Variants in BAHCC1 observed in about 807,000 individuals in gnomAD.
BAHCC1 encodes BAH and coiled-coil domain-containing protein 1.
Under a neutral mutation model 88.2 loss-of-function variants are expected in BAHCC1, and 43 were observed. The observed-to-expected ratio is 0.49, with a 90% CI of 0.38 to 0.63. The LOEUF (loss-of-function observed/expected upper bound fraction) is 0.63, where lower values mean the gene tolerates loss of function less well. Ranked by LOEUF, BAHCC1 falls within the 20% of genes least tolerant of loss-of-function variation. BAHCC1 has a pLI of 0.00. For synonymous variants in BAHCC1, 1,510 were observed against 745.5 expected, an observed-to-expected ratio of 2.03 and a Z score of -16.71; for missense variants, 3,023 against 1,654.8, an observed-to-expected ratio of 1.83 and a Z score of -14.34.
chr17:81,405,602 T>C (rs1390647552), intron 2 of BAHCC1, among the ~76,000 whole-genome samples: 4 of 152,158 alleles, frequency 2.6e-5, no homozygotes, highest in African/African-American at 9.7e-5. Context: ...AGACTGTCCA[T>C]GTCCCTGGGC....
intron 3 of BAHCC1, among the ~76,000 whole-genome samples, chr17:81,432,510 C>T (rs1389968191): frequency 3.3e-5 from 5 of 150,970 alleles, no homozygotes; most frequent in South Asian, 2.1e-4. Flanking sequence ...GGCTTGAGGG[C>T]GGCCCCAGCC....
intron 3 of BAHCC1, among the ~76,000 whole-genome samples, chr17:81,431,545 T>C (rs1048178645): frequency 7.0e-4 from 107 of 152,000 alleles, no homozygotes; most frequent in East Asian, 2.3e-3. Flanking sequence ...CCCAGGGAGG[T>C]TGGGGAGAGG....
intron 16 of BAHCC1, 99 bp downstream of exon 16, chr17:81,456,684 G>A (rs1170036265): frequency 4.8e-6 from 3 of 625,112 alleles, no homozygotes; most frequent in African/African-American, 1.9e-5. Flanking sequence ...CACCAGGGCT[G>A]GGTCATGGCT....
intron 11 of BAHCC1, among the ~76,000 whole-genome samples, chr17:81,448,516 C>T (rs782457792): frequency 2.6e-5 from 4 of 152,234 alleles, no homozygotes; most frequent in East Asian, 1.9e-4. Context: ...CGCTTCCTGC[C>T]GTCTTCCCTG....
intron 2 of BAHCC1, among the ~76,000 whole-genome samples, chr17:81,403,398 G>A (rs2063840189): frequency 6.6e-6 from 1 of 152,026 alleles, no homozygotes; most frequent in Non-Finnish European, 1.5e-5. Flanking sequence ...GGGTTATTGT[G>A]GGAGAAAGGC....
At chr17:81,420,626 C>A (rs2064105296) in intron 2 of BAHCC1, among the ~76,000 whole-genome samples, 1 of 152,272 alleles carries the variant, frequency 6.6e-6, no homozygotes, top group Admixed American at 6.5e-5. Context: ...CAAGCCAGGC[C>A]TCTACAGCAT....
At chr17:81,448,715 G>A (rs1555655159) in intron 11 of BAHCC1, among the ~76,000 whole-genome samples, 1 of 152,214 alleles carries the variant, frequency 6.6e-6, no homozygotes, top group East Asian at 1.9e-4. Flanking sequence ...GTCACCCTGT[G>A]CTGGATGAGG....
intron 2 of BAHCC1, among the ~76,000 whole-genome samples, chr17:81,420,754 A>C (rs2064107189): frequency 6.6e-6 from 1 of 152,218 alleles, no homozygotes; most frequent in African/African-American, 2.4e-5. Flanking sequence ...GCCAGTGTGC[A>C]GTCCTCGGTG....
At chr17:81,418,796 C>CGCGCATGTGTGTGT in intron 2 of BAHCC1, among the ~76,000 whole-genome samples, 1 of 144,918 alleles carries the variant, frequency 6.9e-6, no homozygotes, top group South Asian at 2.2e-4. Context: ...TACGTGTGTG[C>CGCGCATGTGTGTGT]GTGTGTGTGT....
At chr17:81,417,556 C>CCA (rs1555648924) in intron 2 of BAHCC1, among the ~76,000 whole-genome samples, 10 of 30,428 alleles carry the variant, frequency 3.3e-4, no homozygotes, top group African/African-American at 1.2e-3. Flanking sequence ...GCGTCGGCCA[C>CCA]CCCCCCCCCG....
intron 1 of BAHCC1, 191 bp downstream of exon 1, chr17:81,395,826 A>T (rs1317901598): frequency 2.0e-5 from 3 of 152,046 alleles, no homozygotes; most frequent in Admixed American, 2.0e-4. Context: ...TTCTTAAAAA[A>T]TATGGACTAT....
In BAHCC1 at chr17:81,445,429, G is replaced by A. The variant is rs782319728; in HGVS notation, c.2911G>A (p.Val971Ile). 9 of 775,020 alleles carry A rather than the reference G, an allele frequency of 1.2e-5. No homozygotes were observed. The highest frequency in any genetic ancestry group is 2.2e-5 in the Non-Finnish European group (9 of 416,470). 48.0% of individuals were successfully genotyped at this position (775,020 alleles called of 1,614,324 possible). ...GGCCCCAAAGTCCACCCACAAGCCA[G>A]TTGCCTTAACCCCCACGGCCCCGGG... ...EKAPKSTHKP[V>I]ALTPTAPGAP... The change falls in exon 10 of 28, where the codon GTT (valine) becomes ATT (isoleucine). Residue 971 changes from valine (V) to isoleucine (I), a missense_variant. Val to Ile is a conservative substitution (Grantham distance 29). Transcript: ENST00000675386.
intron 2 of BAHCC1, chr17:81,406,792 C>T: frequency 2.3e-6 from 1 of 432,320 alleles, no homozygotes; most frequent in Non-Finnish European, 4.7e-6. Flanking sequence ...AGGCGGCGCC[C>T]AGGTCCTGGT....
intron 3 of BAHCC1, among the ~76,000 whole-genome samples, chr17:81,436,431 C>T (rs1285569526): frequency 6.6e-6 from 1 of 152,232 alleles, no homozygotes; most frequent in African/African-American, 2.4e-5. Flanking sequence ...ACCGGGGCTC[C>T]GTGCCTGGGA....
At chr17:81,438,587 G>C (rs782609387) in intron 4 of BAHCC1, 95 bp downstream of exon 4, 3 of 695,516 alleles carry the variant, frequency 4.3e-6, no homozygotes, top group African/African-American at 1.8e-5. Context: ...GGCCAGCCTA[G>C]GTTAGCCCTC....
chr17:81,439,934 C>T (rs911779033), intron 4 of BAHCC1, among the ~76,000 whole-genome samples: 2 of 151,834 alleles, frequency 1.3e-5, no homozygotes, highest in East Asian at 3.9e-4. Context: ...CACTCCAGGA[C>T]CTCTGTGTGG....
chr17:81,400,026 C>A, intron 2 of BAHCC1, 109 bp downstream of exon 2: 1 of 1,016,236 alleles, frequency 9.8e-7, no homozygotes, highest in Non-Finnish European at 1.2e-6. Flanking sequence ...TTTCCCGGCC[C>A]CGGCCGCGGT....
At chr17:81,423,073 C>T (rs1555649788) in intron 2 of BAHCC1, among the ~76,000 whole-genome samples, 1 of 152,082 alleles carries the variant, frequency 6.6e-6, no homozygotes, top group Non-Finnish European at 1.5e-5. Flanking sequence ...CTCGCGGGCA[C>T]CTTCACCCCC....
At chr17:81,462,585 C>T in intron 26 of BAHCC1, 155 bp from the exon 27 acceptor site, 1 of 593,582 alleles carries the variant, frequency 1.7e-6, no homozygotes, top group Non-Finnish European at 3.0e-6. Context: ...TGGCCTTAAG[C>T]CGCGGTGCTG....
Sources: allele counts gnomAD v4.1 joint callset (sites outside exome capture counted in the v4.1 genomes callset), GRCh38; gene constraint gnomAD v4.1.1; transcripts MANE v1.5; gene names NCBI Gene and HGNC (gene_info 2026-07-23, HGNC 2026-07-21).